The following TRABD2A variants were observed in gnomAD, a reference collection of about 807,000 sequenced individuals.
The protein encoded by TRABD2A is metalloprotease TIKI1.
A neutral mutation model predicts 45.6 loss-of-function variants in TRABD2A; 43 were observed. That is an observed-to-expected ratio of 0.94 (90% CI 0.74 to 1.22). The LOEUF is 1.22. Among genes scored for constraint, TRABD2A ranks in the 50% most tolerant of loss-of-function variants. The probability of loss-of-function intolerance (pLI) is 0.00; values close to 1 mark genes in which losing one functional copy is unlikely to be tolerated. For synonymous variants in TRABD2A, 269 were observed against 265.0 expected (o/e 1.02, Z -0.15); for missense variants, 642 against 652.4 (o/e 0.98, Z 0.17).
At chr2:84,871,935 A>G (rs772288390) in intron 1 of TRABD2A, among the ~76,000 whole-genome samples, 9 of 152,196 alleles carry the variant, frequency 5.9e-5, no homozygotes, top group Non-Finnish European at 1.3e-4. Context: ...TTCAGTTTCA[A>G]TCACAGAGAT....
In TRABD2A at chr2:84,870,538, A is replaced by T. The variant is rs1273035970; in HGVS notation, c.356T>A (p.Ile119Asn). Residue 119 changes from isoleucine (I) to asparagine (N), a missense_variant, in exon 2 of 7, where the codon ATC becomes AAC. By Grantham distance (149) the Ile-to-Asn change is moderately radical. Transcript: ENST00000409520. ...ENLQDVLPRD[I>N]YCRLKRHLEY... is the part of the protein sequence containing the mutation. ...CAGGTGGCGCTTGAGGCGGCAGTAGATGTCCCTGGGGAGCACATCTTGGAG... is the reference window on the plus strand; with the variant it reads ...CAGGTGGCGCTTGAGGCGGCAGTAGTTGTCCCTGGGGAGCACATCTTGGAG... 4 of 1,613,888 alleles carry T rather than the reference A, an allele frequency of 2.5e-6. No individual in the cohort carries two copies. The highest frequency in any genetic ancestry group is 3.4e-6 in the Non-Finnish European group (4 of 1,179,888).
chr2:84,856,948 C>CT (rs1163579013), intron 2 of TRABD2A, among the ~76,000 whole-genome samples: 1 of 152,202 alleles, frequency 6.6e-6, no homozygotes, highest in African/African-American at 2.4e-5. Context: ...GGGCGGGGCC[C>CT]TGACCCAACA....
chr2:84,838,593 C>G (rs1350957031), intron 4 of TRABD2A, among the ~76,000 whole-genome samples: 1 of 152,216 alleles, frequency 6.6e-6, no homozygotes, highest in African/African-American at 2.4e-5. Flanking sequence ...TGCATACTGT[C>G]CAGCCTCTGG....
intron 3 of TRABD2A, 140 bp from the exon 4 acceptor site, chr2:84,839,463 T>C (rs1252230294): frequency 3.8e-6 from 3 of 791,768 alleles, no homozygotes; most frequent in Non-Finnish European, 5.9e-6. Context: ...GAGTTTCCTG[T>C]CTGCTATGTT....
chr2:84,821,827 G>T lies in TRABD2A; in HGVS notation c.*90C>A. On this transcript the variant is annotated 3_prime_UTR_variant, in exon 7 of 7. Transcript: ENST00000409520. ...TCAAGAGCAGTCTCTTCTGGATTGG[G>T]CCCAACAAGGCTAGACCAGAATGTG... 1 of 1,335,720 alleles carries T rather than the reference G, an allele frequency of 7.5e-7. No individual in the cohort carries two copies. Among genetic ancestry groups the T allele is most frequent in the Non-Finnish European group, 9.9e-7 (1 of 1,014,612 alleles). 82.7% of individuals were successfully genotyped at this position (1,335,720 alleles called of 1,614,324 possible).
intron 1 of TRABD2A, among the ~76,000 whole-genome samples, chr2:84,880,041 G>A (rs1215146596): frequency 1.3e-4 from 19 of 150,378 alleles, no homozygotes; most frequent in Non-Finnish European, 1.5e-5. Flanking sequence ...GATAAGCCTG[G>A]CATGGCCCTC....
At chr2:84,879,277 C>T (rs946328073) in intron 1 of TRABD2A, among the ~76,000 whole-genome samples, 78 of 151,824 alleles carry the variant, frequency 5.1e-4, no homozygotes, top group African/African-American at 1.8e-3. Flanking sequence ...CACTCCCAGG[C>T]TCAAGGTTTC....
At chr2:84,842,822 C>T (rs989582110) in intron 2 of TRABD2A, among the ~76,000 whole-genome samples, 2 of 151,948 alleles carry the variant, frequency 1.3e-5, no homozygotes, top group African/African-American at 4.8e-5. Flanking sequence ...ATGTGGGTCT[C>T]CTTGATGGGG....
rs1386821649 is a variant in TRABD2A, at chr2:84,870,643, A to C, written c.251T>G (p.Val84Gly). ...SKEAFLQSSI[V>G]YFELDLTDPY... Reference sequence around the variant, plus strand: ...GTCTGTGAGATCCAACTCAAAGTACACAATGCTGCTCTGCAGGAAAGCCTC... The same window carrying C: ...GTCTGTGAGATCCAACTCAAAGTACCCAATGCTGCTCTGCAGGAAAGCCTC... The change falls in exon 2 of 7, where the codon GTG becomes GGG. Residue 84 changes from valine to glycine, a missense_variant. Physicochemically the swap from Val to Gly is moderately radical, Grantham distance 109. Transcript: ENST00000409520. 1 of 1,612,362 alleles carries C rather than the reference A, an allele frequency of 6.2e-7. No individual in the cohort carries two copies. The highest frequency in any genetic ancestry group is 8.5e-7 in the Non-Finnish European group (1 of 1,179,206).
intron 2 of TRABD2A, among the ~76,000 whole-genome samples, chr2:84,859,874 C>T (rs1235204454): frequency 6.6e-6 from 1 of 152,144 alleles, no homozygotes; most frequent in African/African-American, 2.4e-5. Context: ...GAACATTCTA[C>T]ATCACAGGTA....
At chr2:84,856,747 C>G (rs1682322856) in intron 2 of TRABD2A, among the ~76,000 whole-genome samples, 1 of 152,056 alleles carries the variant, frequency 6.6e-6, no homozygotes, top group Non-Finnish European at 1.5e-5. Context: ...ATCTCCTGAC[C>G]ATTTTTTCTC....
chr2:84,825,353 G>A (rs983114299), intron 5 of TRABD2A, among the ~76,000 whole-genome samples: 1 of 152,084 alleles, frequency 6.6e-6, no homozygotes, highest in Non-Finnish European at 1.5e-5. Context: ...AAGGGAGGAG[G>A]TATACAAGAA....
At chr2:84,827,892 C>G (rs1036976394) in intron 5 of TRABD2A, among the ~76,000 whole-genome samples, 3 of 152,224 alleles carry the variant, frequency 2.0e-5, no homozygotes, top group Non-Finnish European at 4.4e-5. Flanking sequence ...AACAAATTAT[C>G]TAGACCCTCC....
At chr2:84,874,385 C>T (rs1164268585) in intron 1 of TRABD2A, among the ~76,000 whole-genome samples, 1 of 152,218 alleles carries the variant, frequency 6.6e-6, no homozygotes, top group Non-Finnish European at 1.5e-5. Context: ...GACTGTCCCA[C>T]TGCCTGCATT....
chr2:84,868,371 GT>G (rs1682753784), intron 2 of TRABD2A, among the ~76,000 whole-genome samples: 3 of 150,260 alleles, frequency 2.0e-5, no homozygotes. Flanking sequence ...TCATTCACAG[GT>G]GGGAATTGAA....
At chr2:84,846,157 A>G (rs1332021984) in intron 2 of TRABD2A, among the ~76,000 whole-genome samples, 1 of 151,884 alleles carries the variant, frequency 6.6e-6, no homozygotes, top group East Asian at 1.9e-4. Flanking sequence ...TACTATAAAC[A>G]CTCTTCTTTT....
chr2:84,863,297 T>C (rs1403495532), intron 2 of TRABD2A, among the ~76,000 whole-genome samples: 2 of 138,242 alleles, frequency 1.4e-5, no homozygotes, highest in Admixed American at 8.2e-5. Context: ...CAGGCTGGAG[T>C]GCAGTGGCGC....
At chr2:84,841,660 T>C (rs1402502621) in intron 3 of TRABD2A, among the ~76,000 whole-genome samples, 1 of 152,248 alleles carries the variant, frequency 6.6e-6, no homozygotes, top group Non-Finnish European at 1.5e-5. Context: ...CCCTCATCAA[T>C]GCCCCTCTCT....
intron 1 of TRABD2A, among the ~76,000 whole-genome samples, chr2:84,875,775 T>A (rs1683005975): frequency 6.6e-6 from 1 of 152,142 alleles, no homozygotes; most frequent in Admixed American, 6.5e-5. Context: ...TTTGGGAAGC[T>A]TGAGCCCAAA....
Sources: allele counts gnomAD v4.1 joint callset (sites outside exome capture counted in the v4.1 genomes callset), GRCh38; gene constraint gnomAD v4.1.1; transcripts MANE v1.5; gene names NCBI Gene and HGNC (gene_info 2026-07-23, HGNC 2026-07-21).